KAZN: variants seen among roughly 807,000 people sequenced by gnomAD.
The protein encoded by KAZN is kazrin, periplakin interacting protein.
Under a neutral mutation model 87.4 loss-of-function variants are expected in KAZN, and 40 were observed. The ratio of observed to expected loss-of-function variants is 0.46; its 90% confidence interval spans 0.36 to 0.60. KAZN has a LOEUF of 0.60. Among genes scored for constraint, KAZN ranks in the 20% least tolerant of loss-of-function variants. The pLI is 0.00. For missense variants in KAZN, 898 were observed against 1,073.9 expected (o/e 0.84, Z 2.29); for synonymous variants, 466 against 458.3 (o/e 1.02, Z -0.22).
At chr1:15,027,211 A>G (rs1420003410) in intron 2 of KAZN, among the ~76,000 whole-genome samples, 1 of 149,228 alleles carries the variant, frequency 6.7e-6, no homozygotes, top group Non-Finnish European at 1.5e-5. Context: ...CCTCCCCAGT[A>G]GCTGGGACTA....
intron 2 of KAZN, among the ~76,000 whole-genome samples, chr1:15,025,250 T>C (rs1289267466): frequency 1.3e-5 from 2 of 152,210 alleles, no homozygotes; most frequent in Non-Finnish European, 2.9e-5. Flanking sequence ...GGAAATAAAG[T>C]CTGCTCTTTC....
intron 2 of KAZN, among the ~76,000 whole-genome samples, chr1:14,488,321 T>C (rs1227867384): frequency 6.6e-6 from 1 of 152,156 alleles, no homozygotes; most frequent in African/African-American, 2.4e-5. Flanking sequence ...AGGAGGATGC[T>C]GAAAAAGAGA....
chr1:14,998,842 A>G (rs1040363869), intron 2 of KAZN, among the ~76,000 whole-genome samples: 1 of 152,066 alleles, frequency 6.6e-6, no homozygotes, highest in Non-Finnish European at 1.5e-5. Flanking sequence ...GGGCCACCGC[A>G]CCCAGCCCAA....
chr1:14,642,547 G>A (rs1055827768), intron 1 of KAZN, among the ~76,000 whole-genome samples: 1 of 152,236 alleles, frequency 6.6e-6, no homozygotes, highest in Non-Finnish European at 1.5e-5. Context: ...GGCTGGAGGG[G>A]TTGGGGAAAG....
At chr1:14,336,590 G>T (rs1179529045) in intron 2 of KAZN, among the ~76,000 whole-genome samples, 2 of 152,074 alleles carry the variant, frequency 1.3e-5, no homozygotes, top group Non-Finnish European at 2.9e-5. Flanking sequence ...ATGCACAAAG[G>T]TTCCATTTTC....
intron 1 of KAZN, among the ~76,000 whole-genome samples, chr1:14,113,493 C>T (rs138335343): frequency 6.7e-4 from 102 of 152,254 alleles, no homozygotes; most frequent in African/African-American, 2.4e-3. Flanking sequence ...GGAAGGTGAC[C>T]GGAGACGTCA....
chr1:14,064,560 T>C (rs1642929750), intron 1 of KAZN, among the ~76,000 whole-genome samples: 3 of 152,082 alleles, frequency 2.0e-5, no homozygotes, highest in Admixed American at 6.5e-5. Flanking sequence ...TTTGTTATTG[T>C]AAGGAAGCGT....
chr1:13,967,635 G>A (rs1641992320), intron 1 of KAZN, among the ~76,000 whole-genome samples: 1 of 152,200 alleles, frequency 6.6e-6, no homozygotes, highest in African/African-American at 2.4e-5. Flanking sequence ...CGTTGCCTCT[G>A]GGCTGGTTGT....
intron 1 of KAZN, among the ~76,000 whole-genome samples, chr1:14,604,715 G>T (rs931862320): frequency 6.6e-6 from 1 of 152,224 alleles, no homozygotes; most frequent in Non-Finnish European, 1.5e-5. Flanking sequence ...TGCGGGCTTT[G>T]TTGGCTGGGT....
chr1:14,151,241 A>T, intron 1 of KAZN, among the ~76,000 whole-genome samples: 1 of 152,230 alleles, frequency 6.6e-6, no homozygotes, highest in East Asian at 1.9e-4. Context: ...CCAATGTAAC[A>T]TAATTTTGAT....
intron 2 of KAZN, among the ~76,000 whole-genome samples, chr1:14,965,159 C>T (rs981034458): frequency 6.6e-6 from 1 of 151,964 alleles, no homozygotes; most frequent in African/African-American, 2.4e-5. Context: ...GCTGGAACTA[C>T]AGGCACACAC....
chr1:14,673,250 G>C (rs1040751422), intron 1 of KAZN, among the ~76,000 whole-genome samples: 2 of 152,176 alleles, frequency 1.3e-5, no homozygotes, highest in Non-Finnish European at 1.5e-5. Flanking sequence ...CCCTCTTCCA[G>C]TCCTTGACTG....
At chr1:14,652,898 G>T (rs1204935270) in intron 1 of KAZN, among the ~76,000 whole-genome samples, 6 of 152,018 alleles carry the variant, frequency 3.9e-5, no homozygotes, top group African/African-American at 1.4e-4. Context: ...TGGGAGAGAG[G>T]GGGGTGCCAC....
intron 2 of KAZN, among the ~76,000 whole-genome samples, chr1:14,271,087 G>A (rs748499200): frequency 1.3e-5 from 2 of 152,184 alleles, no homozygotes; most frequent in African/African-American, 4.8e-5. Flanking sequence ...TGGCTACTCC[G>A]AAGGCTCTCT....
At chr1:14,536,599 C>T (rs992664033) in intron 2 of KAZN, among the ~76,000 whole-genome samples, 2 of 152,040 alleles carry the variant, frequency 1.3e-5, no homozygotes, top group African/African-American at 4.8e-5. Flanking sequence ...AAGTTGAAGT[C>T]GGCTGCGTGT....
intron 1 of KAZN, among the ~76,000 whole-genome samples, chr1:14,053,332 C>T (rs751766416): frequency 2.6e-5 from 4 of 152,128 alleles, no homozygotes; most frequent in Non-Finnish European, 5.9e-5. Context: ...GAGGAGACGA[C>T]GAGATTGTAG....
chr1:15,105,052 G>A (rs1014253031), intron 13 of KAZN, among the ~76,000 whole-genome samples: 1 of 152,130 alleles, frequency 6.6e-6, no homozygotes. Flanking sequence ...TATATTGCTG[G>A]ATTAAATTTG....
chr1:14,473,229 C>T (rs1162804320), intron 2 of KAZN, among the ~76,000 whole-genome samples: 1 of 143,988 alleles, frequency 6.9e-6, no homozygotes, highest in Non-Finnish European at 1.5e-5. Context: ...CAACAAATAA[C>T]AAATGCTTAG....
At chr1:14,609,282 G>C (rs900610129) in intron 1 of KAZN, among the ~76,000 whole-genome samples, 10 of 152,172 alleles carry the variant, frequency 6.6e-5, no homozygotes, top group African/African-American at 2.2e-4. Flanking sequence ...CTGTTCTCGG[G>C]CAAACATGCT....
Sources: allele counts gnomAD v4.1 joint callset (sites outside exome capture counted in the v4.1 genomes callset), GRCh38; gene constraint gnomAD v4.1.1; transcripts MANE v1.5; gene names NCBI Gene and HGNC (gene_info 2026-07-23, HGNC 2026-07-21).